Variants in ARHGAP24 observed in about 807,000 individuals in gnomAD.
ARHGAP24 encodes rho GTPase-activating protein 24.
ARHGAP24 carries 50 observed loss-of-function variants against 76.4 expected under a neutral mutation model. The ratio of observed to expected loss-of-function variants is 0.65; its 90% CI spans 0.52 to 0.83. The LOEUF is 0.83. Among genes scored for constraint, ARHGAP24 ranks in the 40% least tolerant of loss-of-function variants. ARHGAP24 has a pLI of 0.00. For synonymous variants in ARHGAP24, 345 were observed against 323.3 expected, an observed-to-expected ratio of 1.07 and a Z score of -0.72; for missense variants, 930 against 914.2, an observed-to-expected ratio of 1.02 and a Z score of -0.22.
At chr4:85,843,860 G>C (rs1013901181) in intron 3 of ARHGAP24, among the ~76,000 whole-genome samples, 1 of 152,032 alleles carries the variant, frequency 6.6e-6, no homozygotes, top group Admixed American at 6.6e-5. Flanking sequence ...TGTTGACATT[G>C]ATACAAAATA....
intron 2 of ARHGAP24, among the ~76,000 whole-genome samples, chr4:85,621,421 C>T (rs745320528): frequency 1.3e-5 from 2 of 152,030 alleles, no homozygotes; most frequent in Admixed American, 1.3e-4. Context: ...CACTTCTTTG[C>T]CAACATCTGT....
At chr4:85,880,438 A>T (rs772071634) in intron 3 of ARHGAP24, among the ~76,000 whole-genome samples, 6 of 152,116 alleles carry the variant, frequency 3.9e-5, no homozygotes, top group Non-Finnish European at 5.9e-5. Context: ...ATGGGCTCAA[A>T]GCTTTCTGGT....
chr4:85,821,196 G>A (rs1560651188), intron 3 of ARHGAP24, among the ~76,000 whole-genome samples: 1 of 152,174 alleles, frequency 6.6e-6, no homozygotes, highest in East Asian at 1.9e-4. Flanking sequence ...TACTGTACAG[G>A]TGATGAGCCT....
At chr4:85,495,030 G>C (rs922064959) in intron 1 of ARHGAP24, among the ~76,000 whole-genome samples, 3 of 148,272 alleles carry the variant, frequency 2.0e-5, no homozygotes, top group Non-Finnish European at 4.4e-5. Context: ...GGGAGGCGGA[G>C]CTTGCAGTGA....
intron 3 of ARHGAP24, among the ~76,000 whole-genome samples, chr4:85,819,729 G>T (rs1265862819): frequency 6.6e-6 from 1 of 152,128 alleles, no homozygotes; most frequent in Non-Finnish European, 1.5e-5. Flanking sequence ...GACCAGCCTG[G>T]CCAACTTGGT....
chr4:85,703,843 T>A (rs928961793), intron 2 of ARHGAP24, among the ~76,000 whole-genome samples: 6 of 152,098 alleles, frequency 3.9e-5, no homozygotes, highest in Non-Finnish European at 8.8e-5. Context: ...GAGGTATAAT[T>A]TACATAGAGT....
At chr4:85,706,545 A>G (rs1162184413) in intron 2 of ARHGAP24, among the ~76,000 whole-genome samples, 1 of 152,026 alleles carries the variant, frequency 6.6e-6, no homozygotes, top group African/African-American at 2.4e-5. Context: ...TGCTTTTCAA[A>G]AAGATGTTGT....
chr4:85,815,450 C>G (rs1729196304), intron 3 of ARHGAP24, among the ~76,000 whole-genome samples: 1 of 152,146 alleles, frequency 6.6e-6, no homozygotes, highest in African/African-American at 2.4e-5. Flanking sequence ...TGCTAGATAC[C>G]CTAAATCATC....
intron 1 of ARHGAP24, among the ~76,000 whole-genome samples, chr4:85,537,838 GC>G (rs1725531652): frequency 6.6e-6 from 1 of 152,152 alleles, no homozygotes; most frequent in African/African-American, 2.4e-5. Flanking sequence ...TTCAGAGAAA[GC>G]CCAGATATGG....
rs552561620 is a variant in ARHGAP24, at chr4:85,573,989, A to G, written c.180+3268A>G. ...GTCTTCATATATTTTGATGCGGTCT[A>G]TTTCAATAATATGGAGAAAATATCA... On this transcript the variant is annotated intron_variant, in intron 2 of 9. Transcript: ENST00000395184. 7.2e-5 allele frequency among the ~76,000 whole-genome samples: 11 copies of G among 152,316 alleles called. 1 individual carries two copies. In the South Asian group the frequency reaches 2.3e-3, roughly 32 times the overall value.
At chr4:85,988,673 GAAA>G (rs1240881331) in intron 8 of ARHGAP24, among the ~76,000 whole-genome samples, 1 of 151,248 alleles carries the variant, frequency 6.6e-6, no homozygotes, top group Non-Finnish European at 1.5e-5. Context: ...GCAACAAGTA[GAAA>G]AAAATACCAT....
intron 1 of ARHGAP24, among the ~76,000 whole-genome samples, chr4:85,528,256 A>G (rs1725096890): frequency 1.3e-5 from 2 of 152,140 alleles, no homozygotes. Context: ...GGGTTTATAC[A>G]TGATAATAAT....
At chr4:85,884,157 C>T (rs1733422834) in intron 3 of ARHGAP24, among the ~76,000 whole-genome samples, 1 of 152,128 alleles carries the variant, frequency 6.6e-6, no homozygotes, top group Admixed American at 6.6e-5. Context: ...CTGCTCCAAT[C>T]ATTAGTTAGT....
intron 3 of ARHGAP24, among the ~76,000 whole-genome samples, chr4:85,883,055 A>T (rs1405405324): frequency 6.6e-6 from 1 of 152,186 alleles, no homozygotes; most frequent in East Asian, 1.9e-4. Context: ...GGTGTGGGTC[A>T]AGCAAATCAG....
intron 1 of ARHGAP24, among the ~76,000 whole-genome samples, chr4:85,548,816 T>C (rs1726015998): frequency 6.6e-6 from 1 of 152,156 alleles, no homozygotes; most frequent in South Asian, 2.1e-4. Context: ...TTGTGCCCCT[T>C]TCCCGTCAGT....
At chr4:85,713,617 T>C (rs1207702629) in intron 2 of ARHGAP24, among the ~76,000 whole-genome samples, 2 of 145,784 alleles carry the variant, frequency 1.4e-5, no homozygotes, top group African/African-American at 4.9e-5. Context: ...CTCCTCAAGA[T>C]CAATTGTGTC....
At chr4:85,539,409 A>G (rs1437791445) in intron 1 of ARHGAP24, among the ~76,000 whole-genome samples, 1 of 152,134 alleles carries the variant, frequency 6.6e-6, no homozygotes, top group Admixed American at 6.5e-5. Context: ...TTACTTTTTC[A>G]AACAACATTT....
chr4:85,548,961 C>T (rs2128100), intron 1 of ARHGAP24, among the ~76,000 whole-genome samples: 71,123 of 151,790 alleles, frequency 0.47, 17,973 homozygotes, highest in East Asian at 0.84. Flanking sequence ...ATAATGACTG[C>T]TGGATTTATA....
At chr4:85,753,166 A>G (rs981122064) in intron 3 of ARHGAP24, among the ~76,000 whole-genome samples, 2 of 152,222 alleles carry the variant, frequency 1.3e-5, no homozygotes, top group African/African-American at 4.8e-5. Context: ...AGCTATTGTT[A>G]TACTGATTAG....
Sources: gnomAD v4.1 joint callset for allele counts (sites outside exome capture counted in the v4.1 genomes callset) on GRCh38, gnomAD v4.1.1 for gene constraint, MANE v1.5 for transcripts, NCBI Gene and HGNC (gene_info 2026-07-23, HGNC 2026-07-21) for gene names.